ESRRB: variants seen among roughly 807,000 people sequenced by gnomAD.
ESRRB encodes steroid hormone receptor ERR2.
ESRRB carries 16 observed loss-of-function variants against 46.0 expected under a neutral mutation model. The observed-to-expected ratio is 0.35, with a 90% CI of 0.24 to 0.53. The LOEUF (loss-of-function observed/expected upper bound fraction) is 0.53, where lower values mean the gene tolerates loss of function less well. Ranked by LOEUF, ESRRB falls within the 20% of genes least tolerant of loss-of-function variation. The pLI, the probability that ESRRB is intolerant of heterozygous loss-of-function variation, is 0.93. For missense variants in ESRRB, 488 were observed against 607.4 expected (o/e 0.80, Z 2.07); for synonymous variants, 246 against 259.6 (o/e 0.95, Z 0.50).
intron 1 of ESRRB, among the ~76,000 whole-genome samples, chr14:76,417,762 C>T (rs1457980147): frequency 6.6e-6 from 1 of 151,892 alleles, no homozygotes; most frequent in African/African-American, 2.4e-5. Context: ...ATCTGTGGTG[C>T]AAAGGTGCAG....
intron 2 of ESRRB, among the ~76,000 whole-genome samples, chr14:76,455,223 A>AT (rs1285136276): frequency 7.9e-5 from 12 of 151,842 alleles, no homozygotes; most frequent in East Asian, 3.9e-4. Context: ...TCTCAAAAAA[A>AT]ATATATATAT....
intron 3 of ESRRB, among the ~76,000 whole-genome samples, chr14:76,472,588 G>A (rs1418213749): frequency 1.3e-5 from 2 of 152,226 alleles, no homozygotes; most frequent in East Asian, 1.9e-4. Context: ...AGGCAGCAAG[G>A]CAAGCTTGCC....
chr14:76,461,493 G>A (rs553276216), intron 2 of ESRRB, among the ~76,000 whole-genome samples: 2 of 67,610 alleles, frequency 3.0e-5, no homozygotes, highest in Non-Finnish European at 5.7e-5. Context: ...GTTTTGTTTT[G>A]TTTTGTTTTG....
intron 1 of ESRRB, among the ~76,000 whole-genome samples, chr14:76,415,468 T>A (rs776077879): frequency 1.2e-4 from 19 of 152,038 alleles, no homozygotes; most frequent in Non-Finnish European, 2.2e-4. Flanking sequence ...GAGACCAGCC[T>A]GGCCAACGTG....
intron 5 of ESRRB, among the ~76,000 whole-genome samples, chr14:76,487,390 C>T (rs1031356359): frequency 2.0e-5 from 3 of 152,168 alleles, no homozygotes; most frequent in Admixed American, 6.5e-5. Flanking sequence ...ACGATTACAC[C>T]CTTTTTGCCC....
intron 1 of ESRRB, among the ~76,000 whole-genome samples, chr14:76,377,180 C>A (rs1324255348): frequency 6.6e-6 from 1 of 151,930 alleles, no homozygotes; most frequent in African/African-American, 2.4e-5. Flanking sequence ...GTTATCCGAG[C>A]GGCGTGGGCG....
chr14:76,425,325 G>T (rs1346579950), intron 1 of ESRRB, among the ~76,000 whole-genome samples: 1 of 152,198 alleles, frequency 6.6e-6, no homozygotes, highest in Non-Finnish European at 1.5e-5. Flanking sequence ...TTCTGAGCAA[G>T]ATGTAAATAT....
intron 1 of ESRRB, among the ~76,000 whole-genome samples, chr14:76,419,760 A>G (rs1886861554): frequency 6.6e-6 from 1 of 152,226 alleles, no homozygotes; most frequent in Non-Finnish European, 1.5e-5. Context: ...ATAGAAGGTC[A>G]AGAACCTGCT....
intron 1 of ESRRB, among the ~76,000 whole-genome samples, chr14:76,408,591 CAAAAAAAAAAAAA>C (rs35955826): frequency 9.5e-5 from 4 of 42,118 alleles, no homozygotes; most frequent in African/African-American, 2.1e-4. Context: ...GACCCTGTCT[CAAAAAAAAAAAAA>C]AAAAAAAAAA....
In ESRRB at chr14:76,346,303, A is replaced by G. The variant is rs970768360; in HGVS notation, c.2+35387A>G. Among the ~76,000 whole-genome samples, 29 of 152,164 alleles carry G rather than the reference A, an allele frequency of 1.9e-4. 1 individual carries two copies. Among genetic ancestry groups the G allele is most frequent in the Admixed American group, 1.9e-3 (29 of 15,284 alleles). ...CAACTTCTGTAATACTTGGTGGGGA[A>G]CTGCTATGTGTCCTAAGTGGGAATG... On this transcript the variant is annotated intron_variant, in intron 1 of 6. Coordinates refer to the ESRRB transcript ENST00000512784.
upstream of ESRRB, among the ~76,000 whole-genome samples, chr14:76,366,659 G>A (rs1884525690): frequency 6.6e-6 from 1 of 152,194 alleles, no homozygotes; most frequent in African/African-American, 2.4e-5. Context: ...GAAAACCAGG[G>A]CAAAGAAAGA....
At chr14:76,473,019 G>A (rs989239035) in intron 3 of ESRRB, among the ~76,000 whole-genome samples, 5 of 152,172 alleles carry the variant, frequency 3.3e-5, no homozygotes, top group Non-Finnish European at 5.9e-5. Context: ...AGTCTGTGCC[G>A]TTCAAAGGCT....
intron 1 of ESRRB, among the ~76,000 whole-genome samples, chr14:76,345,176 C>T (rs1884235582): frequency 6.6e-6 from 1 of 152,126 alleles, no homozygotes; most frequent in Non-Finnish European, 1.5e-5. Context: ...GCAATAGAAA[C>T]AAAGATAAAT....
intron 1 of ESRRB, among the ~76,000 whole-genome samples, chr14:76,313,316 A>ATT (rs34795014): frequency 0.011 from 1,682 of 150,430 alleles, 28 homozygotes; most frequent in African/African-American, 0.033. Context: ...CATCAAATTC[A>ATT]TTTTTTTTTT....
At chr14:76,440,707 TTCTTTCTCTCTC>T (rs780254080) in intron 2 of ESRRB, among the ~76,000 whole-genome samples, 169 of 151,514 alleles carry the variant, frequency 1.1e-3, no homozygotes, top group Middle Eastern at 3.4e-3. Context: ...CTCTTTCTTT[TTCTTTCTCTCTC>T]TCTTTCTCTC....
At chr14:76,462,483 CGCTGGCAGGTGGGGGCCCTGG>C in intron 2 of ESRRB, 41 bp from the exon 3 acceptor site, 1 of 1,260,740 alleles carries the variant, frequency 7.9e-7, no homozygotes. Context: ...GCCAGCCCTG[CGCTGGCAGGTGGGGGCCCTGG>C]GCGGCCAGCA....
intron 6 of ESRRB, among the ~76,000 whole-genome samples, chr14:76,497,749 G>A (rs1186103814): frequency 6.6e-6 from 1 of 152,180 alleles, no homozygotes; most frequent in Non-Finnish European, 1.5e-5. Flanking sequence ...GGGGCTAGGG[G>A]CGGTGGTAGG....
chr14:76,354,516 G>A (rs185921333), intron 1 of ESRRB, among the ~76,000 whole-genome samples: 3 of 151,948 alleles, frequency 2.0e-5, no homozygotes, highest in South Asian at 2.1e-4. Flanking sequence ...CTGAGGTCCC[G>A]GGGGTGAGGG....
intron 1 of ESRRB, among the ~76,000 whole-genome samples, chr14:76,319,553 G>A (rs889126093): frequency 1.3e-5 from 2 of 152,090 alleles, no homozygotes; most frequent in Admixed American, 1.3e-4. Context: ...TTTACTCTAG[G>A]GCACTCAATT....
Sources: allele counts gnomAD v4.1 joint callset (sites outside exome capture counted in the v4.1 genomes callset), GRCh38; gene constraint gnomAD v4.1.1; transcripts MANE v1.5; gene names NCBI Gene and HGNC (gene_info 2026-07-23, HGNC 2026-07-21).